The following PTPRQ variants were observed in gnomAD, a reference collection of about 807,000 sequenced individuals.
The protein encoded by PTPRQ is phosphatidylinositol phosphatase PTPRQ.
Under a neutral mutation model 246.0 loss-of-function variants are expected in PTPRQ, and 199 were observed. The ratio of observed to expected loss-of-function variants is 0.81; its 90% confidence interval spans 0.72 to 0.91. PTPRQ has a LOEUF of 0.91. PTPRQ is among the 40% of genes least tolerant of loss of function. The pLI, the probability that PTPRQ is intolerant of heterozygous loss-of-function variation, is 0.00. For synonymous variants in PTPRQ, 869 were observed against 853.2 expected, an observed-to-expected ratio of 1.02 and a Z score of -0.32; for missense variants, 2,624 against 2,528.4, an observed-to-expected ratio of 1.04 and a Z score of -0.81.
intron 39 of PTPRQ, among the ~76,000 whole-genome samples, chr12:80,659,434 A>G (rs1211392375): frequency 6.6e-6 from 1 of 152,074 alleles, no homozygotes; most frequent in Non-Finnish European, 1.5e-5. Context: ...CAAGCAGGAC[A>G]AGGACAACTG....
At chr12:80,496,592 TA>T (rs1592583111) in intron 14 of PTPRQ, 61 bp downstream of exon 14, 2 of 1,483,880 alleles carry the variant, frequency 1.3e-6, no homozygotes, top group Non-Finnish European at 1.8e-6. Context: ...GCAAAGCTGA[TA>T]ATCGCCATGT....
At chr12:80,565,057 C>A (rs1055517746) in intron 25 of PTPRQ, among the ~76,000 whole-genome samples, 1 of 152,216 alleles carries the variant, frequency 6.6e-6, no homozygotes, top group African/African-American at 2.4e-5. Flanking sequence ...TGTGAGTTAA[C>A]GTAATAAGAT....
At chr12:80,516,693 G>A (rs1895310208) in intron 17 of PTPRQ, among the ~76,000 whole-genome samples, 2 of 152,122 alleles carry the variant, frequency 1.3e-5, no homozygotes, top group Non-Finnish European at 2.9e-5. Flanking sequence ...GTTTCTCCAA[G>A]TTTTCTAAAA....
At chr12:80,678,518 C>T in intron 43 of PTPRQ, 84 bp from the exon 44 acceptor site, 2 of 1,393,164 alleles carry the variant, frequency 1.4e-6, no homozygotes, top group Non-Finnish European at 1.9e-6. Context: ...GAATTCAGTA[C>T]TGCTTTTAGC....
At chr12:80,532,394 T>A (rs1288617068) in intron 17 of PTPRQ, among the ~76,000 whole-genome samples, 1 of 152,060 alleles carries the variant, frequency 6.6e-6, no homozygotes, top group Non-Finnish European at 1.5e-5. Context: ...CTAATTTTTT[T>A]ATTTTTAGTG....
At chr12:80,483,570 T>G (rs1236498184) in intron 8 of PTPRQ, among the ~76,000 whole-genome samples, 1 of 152,152 alleles carries the variant, frequency 6.6e-6, no homozygotes, top group African/African-American at 2.4e-5. Context: ...ATCCATGTAT[T>G]TAAAGACATT....
Position 80,666,933 on chromosome 12 carries a change from C to T in PTPRQ, c.6193-2074C>T, listed in dbSNP as rs145069284. On this transcript the variant is annotated intron_variant, in intron 39 of 44. Coordinates refer to ENST00000644991, the MANE Select transcript of PTPRQ (RefSeq NM_001145026.2). ...TTGTTACAATAACCCTCTAACTATTCTCCCTCCTTTCACCTTTTAAACTCC... is the reference window on the plus strand; with the variant it reads ...TTGTTACAATAACCCTCTAACTATTTTCCCTCCTTTCACCTTTTAAACTCC... 7.6e-3 allele frequency among the ~76,000 whole-genome samples: 1,162 copies of T among 152,098 alleles called. 8 individuals carry two copies. Among genetic ancestry groups the T allele is most frequent in the African/African-American group, 0.027 (1,120 of 41,530 alleles).
rs1176393485 is a variant in PTPRQ, at chr12:80,471,474, A to ATTTTTTTTTTTTTTTT, written c.1040-629_1040-614dup. ...ATAGAAGATAATGAAATTATTTAGC[A>ATTTTTTTTTTTTTTTT]TTTTTTTTTTTTTTTTTATTTGAGA... On this transcript the variant is annotated intron_variant, in intron 7 of 44. Coordinates refer to ENST00000644991, the MANE Select transcript of PTPRQ (RefSeq NM_001145026.2). Among the ~76,000 whole-genome samples, 3 of 73,198 alleles carry ATTTTTTTTTTTTTTTT rather than the reference A, an allele frequency of 4.1e-5. 1 individual carries two copies. Among genetic ancestry groups the ATTTTTTTTTTTTTTTT allele is most frequent in the African/African-American group, 1.2e-4 (2 of 16,858 alleles). The allele number at this position is 73,198 out of a possible 152,430, so 48.0% of individuals were successfully genotyped here. A position where few individuals can be genotyped will look rare whatever the true frequency, so the allele number is the denominator to read the frequency against.
chr12:80,642,969 T>C (rs1227758226), intron 35 of PTPRQ, among the ~76,000 whole-genome samples: 2 of 148,428 alleles, frequency 1.3e-5, no homozygotes, highest in Admixed American at 6.7e-5. Context: ...TCTCAAGTGC[T>C]AGGCACTGTT....
Position 80,534,886 on chromosome 12 carries a change from T to A in PTPRQ, c.2840-6T>A, listed in dbSNP as rs559857445. The A allele has an allele frequency of 3.2e-6, 5 of 1,546,702 alleles. No individual in the cohort carries two copies. The South Asian group carries it at 6.1e-5, about 19-fold the overall frequency. On this transcript the variant is annotated splice_region_variant and splice_polypyrimidine_tract_variant and intron_variant, in intron 18 of 44. Transcript: ENST00000644991. Reference sequence around the variant, plus strand: ...ACAGTAATTTGTTCAATTATTTGTTTTATAGCACCAAGCGATCCTCCCAAA... The same window carrying A: ...ACAGTAATTTGTTCAATTATTTGTTATATAGCACCAAGCGATCCTCCCAAA...
chr12:80,679,232 T>G lies in PTPRQ; in HGVS notation c.*209T>G, dbSNP rs1282645080. On this transcript the variant is annotated 3_prime_UTR_variant, in exon 45 of 45. Coordinates refer to ENST00000644991, the MANE Select transcript of PTPRQ (RefSeq NM_001145026.2). ...TATTTGTTTTGTACAGAATAAATAT[T>G]ATGCATTTTAAATGCTTAAGAAAAG... 5 of 478,038 alleles carry G rather than the reference T, an allele frequency of 1.0e-5. No individual in the cohort carries two copies. The highest frequency in any genetic ancestry group is 1.6e-5 in the Non-Finnish European group (5 of 304,306). The allele number at this position is 478,038 out of a possible 1,614,324, so 29.6% of individuals were successfully genotyped here. A position where few individuals can be genotyped will look rare whatever the true frequency, so the allele number is the denominator to read the frequency against.
At chr12:80,592,645 C>T (rs1032119286) in intron 26 of PTPRQ, among the ~76,000 whole-genome samples, 2 of 151,952 alleles carry the variant, frequency 1.3e-5, no homozygotes, top group Admixed American at 6.6e-5. Flanking sequence ...AATATAATGG[C>T]CATGTTGCAA....
intron 32 of PTPRQ, 44 bp downstream of exon 32, chr12:80,620,420 G>C (rs762856862): frequency 1.9e-6 from 3 of 1,541,836 alleles, no homozygotes; most frequent in East Asian, 4.9e-5. Context: ...TAGCAAGCTA[G>C]TTAGTATCTT....
intron 26 of PTPRQ, among the ~76,000 whole-genome samples, chr12:80,593,863 A>G (rs1897882005): frequency 6.6e-6 from 1 of 152,072 alleles, no homozygotes; most frequent in African/African-American, 2.4e-5. Context: ...TGGGTGTGAA[A>G]TTAGTATGAA....
intron 16 of PTPRQ, 67 bp from the exon 17 acceptor site, chr12:80,510,256 A>G: frequency 7.5e-7 from 1 of 1,341,460 alleles, no homozygotes; most frequent in Non-Finnish European, 9.7e-7. Flanking sequence ...AATTGTGTGC[A>G]TTTCCATGTT....
At chr12:80,541,261 G>GCA (rs972870918) in intron 20 of PTPRQ, among the ~76,000 whole-genome samples, 2 of 151,620 alleles carry the variant, frequency 1.3e-5, no homozygotes, top group Non-Finnish European at 2.9e-5. Flanking sequence ...CACATATTAT[G>GCA]CACACACACG....
intron 3 of PTPRQ, among the ~76,000 whole-genome samples, chr12:80,449,933 G>A (rs566512553): frequency 3.3e-3 from 501 of 152,248 alleles, no homozygotes; most frequent in African/African-American, 8.9e-3. Context: ...GTAGCTTGAT[G>A]GGGATGGCAT....
intron 3 of PTPRQ, among the ~76,000 whole-genome samples, chr12:80,447,253 T>G (rs1892582896): frequency 6.6e-6 from 1 of 152,048 alleles, no homozygotes; most frequent in Non-Finnish European, 1.5e-5. Flanking sequence ...AATGGGGTTT[T>G]TCTCCTTGTA....
intron 8 of PTPRQ, among the ~76,000 whole-genome samples, chr12:80,482,251 C>A (rs942197482): frequency 1.3e-5 from 2 of 149,972 alleles, no homozygotes; most frequent in Non-Finnish European, 3.0e-5. Flanking sequence ...CTTTGACAAA[C>A]CTGAGAAAAA....
Sources: gnomAD v4.1 joint callset for allele counts (sites outside exome capture counted in the v4.1 genomes callset) on GRCh38, gnomAD v4.1.1 for gene constraint, MANE v1.5 for transcripts, NCBI Gene and HGNC (gene_info 2026-07-23, HGNC 2026-07-21) for gene names.